The following UBE2QL1 variants were observed in gnomAD, a reference collection of about 807,000 sequenced individuals.
UBE2QL1 encodes ubiquitin conjugating enzyme E2 QL1.
UBE2QL1 carries 5 observed loss-of-function variants against 12.6 expected under a neutral mutation model. That is an observed-to-expected ratio of 0.40 (90% CI 0.21 to 0.83). The LOEUF (loss-of-function observed/expected upper bound fraction) is 0.83. Among genes scored for constraint, UBE2QL1 ranks in the 40% least tolerant of loss-of-function variants. The pLI is 0.37. For synonymous variants in UBE2QL1, 96 were observed against 94.5 expected (o/e 1.02, Z -0.10); for missense variants, 99 against 222.6 (o/e 0.44, Z 3.53).
In UBE2QL1 at chr5:6,491,822, TC is replaced by T. The variant is rs1373274482; in HGVS notation, c.*475del. 6.5e-6 allele frequency: 1 copy of T among 153,128 alleles called. No homozygotes were observed. The highest frequency in any genetic ancestry group is 1.5e-5 in the Non-Finnish European group (1 of 68,666). The allele number at this position is 153,128 out of a possible 1,614,324, so 9.5% of individuals were successfully genotyped here. ...CTGTGCTCTGTATCTCTGTTTTTCT[TC>T]CTGGAAGGTCAACATAACTTGAAAA... On this transcript the variant is annotated 3_prime_UTR_variant, in exon 2 of 2. Coordinates refer to ENST00000399816, the MANE Select transcript of UBE2QL1 (RefSeq NM_001145161.3).
At chr5:6,459,314 T>C (rs2126331496) in intron 1 of UBE2QL1, among the ~76,000 whole-genome samples, 1 of 152,348 alleles carries the variant, frequency 6.6e-6, no homozygotes, top group Admixed American at 6.5e-5. Context: ...GAGTTGGAAC[T>C]GAATTGAATT....
chr5:6,489,815 A>G (rs1004133527), intron 1 of UBE2QL1, among the ~76,000 whole-genome samples: 2 of 152,110 alleles, frequency 1.3e-5, no homozygotes, highest in African/African-American at 2.4e-5. Context: ...TCTGCCCTCT[A>G]TGGCTGTCCA....
At chr5:6,462,999 G>T (rs1250582700) in intron 1 of UBE2QL1, among the ~76,000 whole-genome samples, 1 of 152,222 alleles carries the variant, frequency 6.6e-6, no homozygotes, top group African/African-American at 2.4e-5. Context: ...CTTTCAGAGT[G>T]TGCATCTCTA....
intron 1 of UBE2QL1, among the ~76,000 whole-genome samples, chr5:6,489,151 A>G (rs534972282): frequency 2.0e-5 from 3 of 152,218 alleles, no homozygotes; most frequent in South Asian, 4.2e-4. Flanking sequence ...AAAGGTGTGC[A>G]TCGTGGCACA....
intron 1 of UBE2QL1, among the ~76,000 whole-genome samples, chr5:6,491,006 C>T (rs548407466): frequency 1.9e-4 from 29 of 152,322 alleles, no homozygotes; most frequent in African/African-American, 6.7e-4. Context: ...CCCTAAAAGG[C>T]TGCCAGCCCC....
In UBE2QL1 at chr5:6,495,999, G is replaced by A. The variant is rs990901274; in HGVS notation, c.*4650G>A. ...GTTAGTTTGGTTCCAGAAGAAACAC[G>A]GGAGCAAAGTGTGCTGGCCAAACAG... On this transcript the variant is annotated 3_prime_UTR_variant, in exon 2 of 2. Transcript: ENST00000399816. 3.3e-4 allele frequency among the ~76,000 whole-genome samples: 50 copies of A among 152,178 alleles called. 5 individuals are homozygous for A. The highest frequency in any genetic ancestry group is 8.8e-5 in the Non-Finnish European group (6 of 68,038).
intron 1 of UBE2QL1, among the ~76,000 whole-genome samples, chr5:6,466,139 C>T (rs192141381): frequency 8.5e-5 from 13 of 152,216 alleles, no homozygotes; most frequent in Middle Eastern, 3.4e-3. Flanking sequence ...TCGGCAGCCA[C>T]GGCGATGCAG....
intron 1 of UBE2QL1, among the ~76,000 whole-genome samples, chr5:6,460,068 C>G (rs1739618596): frequency 6.6e-6 from 1 of 152,118 alleles, no homozygotes; most frequent in Admixed American, 6.6e-5. Flanking sequence ...AGGAGCCCAA[C>G]AGGTGTCTCA....
intron 1 of UBE2QL1, among the ~76,000 whole-genome samples, chr5:6,449,500 G>A (rs1002910162): frequency 2.7e-5 from 4 of 149,048 alleles, no homozygotes; most frequent in Non-Finnish European, 5.9e-5. Context: ...CCGTCTCTCT[G>A]GTATCGGTCT....
chr5:6,475,049 A>G (rs79325181), intron 1 of UBE2QL1, among the ~76,000 whole-genome samples: 15 of 152,276 alleles, frequency 9.9e-5, no homozygotes, highest in African/African-American at 3.4e-4. Context: ...CTATCATAAG[A>G]TAAACAGTGA....
chr5:6,454,745 G>A lies in UBE2QL1; in HGVS notation c.354+5498G>A, dbSNP rs188306040. 4.6e-3 allele frequency among the ~76,000 whole-genome samples: 695 copies of A among 152,280 alleles called. 4 individuals carry two copies. Among genetic ancestry groups the A allele is most frequent in the Admixed American group, 5.1e-3 (78 of 15,300 alleles). ...AGAGCAAAAATAGTGACTGGCAGGGGTGGGTAACGCCATCTGATTCGTCCA... is the reference window on the plus strand; with the variant it reads ...AGAGCAAAAATAGTGACTGGCAGGGATGGGTAACGCCATCTGATTCGTCCA... On this transcript the variant is annotated intron_variant, in intron 1 of 1. Transcript: ENST00000399816.
At chr5:6,456,683 G>A (rs530854644) in intron 1 of UBE2QL1, among the ~76,000 whole-genome samples, 6 of 152,198 alleles carry the variant, frequency 3.9e-5, no homozygotes, top group South Asian at 2.1e-4. Context: ...TAACGTCTGC[G>A]ACCCTCCCCT....
At chr5:6,468,213 G>C (rs1208471994) in intron 1 of UBE2QL1, among the ~76,000 whole-genome samples, 1 of 152,128 alleles carries the variant, frequency 6.6e-6, no homozygotes, top group Non-Finnish European at 1.5e-5. Context: ...CTGCTGTCTT[G>C]AAAATGCCTT....
chr5:6,474,229 T>C (rs1457413647), intron 1 of UBE2QL1, among the ~76,000 whole-genome samples: 1 of 152,258 alleles, frequency 6.6e-6, no homozygotes, highest in Non-Finnish European at 1.5e-5. Flanking sequence ...CACCACGGTC[T>C]ATGCCTGCAT....
At chr5:6,474,505 T>G (rs1243684423) in intron 1 of UBE2QL1, among the ~76,000 whole-genome samples, 1 of 152,232 alleles carries the variant, frequency 6.6e-6, no homozygotes, top group Admixed American at 6.5e-5. Context: ...GAGAAGTTAC[T>G]TGCTCCTTCA....
In UBE2QL1 at chr5:6,448,861, C is replaced by G. The variant is rs1739356756; in HGVS notation, c.-33C>G. On this transcript the variant is annotated 5_prime_UTR_variant, in exon 1 of 2. Coordinates refer to ENST00000399816, the MANE Select transcript of UBE2QL1 (RefSeq NM_001145161.3). ...CAGCCTGGTCCCCGCGGCGCGCCAG[C>G]AACACTGCACGCAGGTGCGCAGCCG... 3 of 1,319,680 alleles carry G rather than the reference C, an allele frequency of 2.3e-6. No homozygotes were observed. In the East Asian group the frequency reaches 9.3e-5, roughly 41 times the overall value. 81.7% of individuals were successfully genotyped at this position (1,319,680 alleles called of 1,614,324 possible). A position where few individuals can be genotyped will look rare whatever the true frequency, so the allele number is the denominator to read the frequency against.
rs1448898996 is a variant in UBE2QL1 at position 6,479,356 on chromosome 5, G to A, written c.355-11862G>A. 1.3e-5 allele frequency among the ~76,000 whole-genome samples: 2 copies of A among 152,240 alleles called. No individual in the cohort carries two copies. The highest frequency in any genetic ancestry group is 4.8e-5 in the African/African-American group (2 of 41,546). On this transcript the variant is annotated intron_variant, in intron 1 of 1. Transcript: ENST00000399816. This position sits in a 1 kb window ranked among gnomAD's most constrained non-coding sequence, Gnocchi z 4.2. Reference sequence around the variant, plus strand: ...GATTGTGATCTAAGAGGTCAAGTTGGGTAGGAGAACACCATTGTTTCTTGC... The same window carrying A: ...GATTGTGATCTAAGAGGTCAAGTTGAGTAGGAGAACACCATTGTTTCTTGC...
Position 6,479,660 on chromosome 5 carries a change from G to A in UBE2QL1, c.355-11558G>A, listed in dbSNP as rs949162655. Among the ~76,000 whole-genome samples, 5 of 152,194 alleles carry A rather than the reference G, an allele frequency of 3.3e-5. No homozygotes were observed. The highest frequency in any genetic ancestry group is 9.7e-5 in the African/African-American group (4 of 41,450). On this transcript the variant is annotated intron_variant, in intron 1 of 1. Coordinates refer to ENST00000399816, the MANE Select transcript of UBE2QL1 (RefSeq NM_001145161.3). This position sits in a 1 kb window ranked among gnomAD's most constrained non-coding sequence, Gnocchi z 4.2. Reference sequence around the variant, plus strand: ...ATCTCACAAGGAGAAAACACAGACCGGGGGTCTCCTTTGTGCTGAGTAAGT... The same window carrying A: ...ATCTCACAAGGAGAAAACACAGACCAGGGGTCTCCTTTGTGCTGAGTAAGT...
At chr5:6,475,203 C>T (rs1465487117) in intron 1 of UBE2QL1, among the ~76,000 whole-genome samples, 1 of 152,142 alleles carries the variant, frequency 6.6e-6, no homozygotes, top group Admixed American at 6.5e-5. Context: ...AAAGTAATGA[C>T]CTAAAAGTAA....
Sources: gnomAD v4.1 joint callset for allele counts (sites outside exome capture counted in the v4.1 genomes callset) on GRCh38, gnomAD v4.1.1 for gene constraint, Gnocchi (gnomAD v3.1) non-coding constraint, MANE v1.5 for transcripts, NCBI Gene and HGNC (gene_info 2026-07-23, HGNC 2026-07-21) for gene names.